Variants in WDR72 observed in about 807,000 individuals in gnomAD.
WDR72 encodes the protein WD repeat domain 72.
WDR72 carries 120 observed loss-of-function variants against 124.2 expected under a neutral mutation model. That is an observed-to-expected ratio of 0.97 (90% CI 0.83 to 1.12). The LOEUF (loss-of-function observed/expected upper bound fraction) is 1.12. Among genes scored for constraint, WDR72 ranks in the 50% most tolerant of loss-of-function variants. The pLI, the probability that WDR72 is intolerant of heterozygous loss-of-function variation, is 0.00. For missense variants in WDR72, 1,387 were observed against 1,278.8 expected, an observed-to-expected ratio of 1.08 and a Z score of -1.29; for synonymous variants, 452 against 441.7, an observed-to-expected ratio of 1.02 and a Z score of -0.29.
At chr15:53,529,772 C>T (rs1307040567) in intron 18 of WDR72, among the ~76,000 whole-genome samples, 1 of 151,944 alleles carries the variant, frequency 6.6e-6, no homozygotes, top group Non-Finnish European at 1.5e-5. Context: ...TCCATGAAGT[C>T]ATTTTGTCTT....
At chr15:53,570,263 T>TTG (rs766217348) in intron 18 of WDR72, among the ~76,000 whole-genome samples, 2 of 7,244 alleles carry the variant, frequency 2.8e-4, no homozygotes, top group African/African-American at 8.0e-4. Flanking sequence ...TCATATACCA[T>TTG]TTTTTTTTTT....
At position 53,616,079 on chromosome 15, in the gene WDR72, AC is replaced by A. The variant is rs1333590504; in HGVS notation, c.2126del (p.Gly709ValfsTer5). 1 of 1,606,958 alleles carries A rather than the reference AC, an allele frequency of 6.2e-7. No homozygotes were observed. The highest frequency in any genetic ancestry group is 1.1e-5 in the South Asian group (1 of 90,424). Reference sequence around the variant, plus strand: ...TCTTGGCTCTTCTCAGGACCTCACCACCATAGAATGAACTGGAAGAGTCAAC... The same window carrying A: ...TCTTGGCTCTTCTCAGGACCTCACCACATAGAATGAACTGGAAGAGTCAAC... ...SDVDSSSSFY[G>X]GEVLRRAKST... is the part of the protein sequence containing the mutation. On this transcript the variant is annotated frameshift_variant, in exon 15 of 20. Coordinates refer to ENST00000360509, the MANE Select transcript of WDR72 (RefSeq NM_182758.4). LOFTEE classifies it high-confidence loss of function.
chr15:53,552,928 GA>G (rs1893795246), intron 18 of WDR72, among the ~76,000 whole-genome samples: 1 of 152,118 alleles, frequency 6.6e-6, no homozygotes, highest in African/African-American at 2.4e-5. Context: ...AGCTCTATAG[GA>G]AGCGGTGGAA....
At chr15:53,556,194 A>G (rs1416146004) in intron 18 of WDR72, among the ~76,000 whole-genome samples, 1 of 152,152 alleles carries the variant, frequency 6.6e-6, no homozygotes, top group African/African-American at 2.4e-5. Context: ...CCATCCTTGG[A>G]GAAAATATTT....
intron 18 of WDR72, among the ~76,000 whole-genome samples, chr15:53,571,501 C>G (rs750279107): frequency 4.6e-5 from 7 of 151,974 alleles, no homozygotes; most frequent in African/African-American, 9.7e-5. Flanking sequence ...CTATTTCACT[C>G]AACATAATGT....
chr15:53,694,642 A>G (rs1027211942), intron 13 of WDR72, among the ~76,000 whole-genome samples: 1 of 152,178 alleles, frequency 6.6e-6, no homozygotes, highest in Non-Finnish European at 1.5e-5. Context: ...CGATAAGTGA[A>G]GAACACACCA....
intron 1 of WDR72, among the ~76,000 whole-genome samples, chr15:53,754,205 T>G (rs2140900218): frequency 6.6e-6 from 1 of 152,268 alleles, no homozygotes. Context: ...TATGTGGAAG[T>G]GTATGCATGG....
chr15:53,703,306 C>T (rs2017241581), intron 11 of WDR72, among the ~76,000 whole-genome samples: 1 of 152,076 alleles, frequency 6.6e-6, no homozygotes, highest in South Asian at 2.1e-4. Flanking sequence ...TAGACATTAC[C>T]TAATTCTACC....
At position 53,597,095 on chromosome 15, in the gene WDR72, GT is replaced by G; in HGVS notation, c.3131del (p.Asn1044ThrfsTer50). The G allele has an allele frequency of 6.2e-7, 1 of 1,613,742 alleles. No individual in the cohort carries two copies. Among genetic ancestry groups the G allele is most frequent in the Non-Finnish European group, 8.5e-7 (1 of 1,179,822 alleles). ...TEELELQCVR[N>X]TLPLQTPVSP... The stretch of plus-strand genomic sequence containing the variant: ...TGTACTTACTTTGCAGAGGCAAAGT[GT>G]TTCTAACACACTGTAACTCTAGTTC... On this transcript the variant is annotated frameshift_variant, in exon 18 of 20. Transcript: ENST00000360509. LOFTEE classifies it high-confidence loss of function.
At chr15:53,617,758 C>A (rs1216452489) in intron 14 of WDR72, among the ~76,000 whole-genome samples, 1 of 151,790 alleles carries the variant, frequency 6.6e-6, no homozygotes, top group Non-Finnish European at 1.5e-5. Flanking sequence ...ATTAATTTCA[C>A]CATTATGTTC....
chr15:53,564,605 T>G (rs1894232657), intron 18 of WDR72, among the ~76,000 whole-genome samples: 1 of 151,910 alleles, frequency 6.6e-6, no homozygotes. Flanking sequence ...TCAGGTTCTG[T>G]GTCTAAATTT....
chr15:53,622,675 T>C (rs1009442100), intron 14 of WDR72, among the ~76,000 whole-genome samples: 3 of 151,962 alleles, frequency 2.0e-5, no homozygotes, highest in Admixed American at 2.0e-4. Context: ...TAATGCATGC[T>C]GGCCTTAATA....
intron 13 of WDR72, among the ~76,000 whole-genome samples, chr15:53,667,777 C>T (rs929837990): frequency 6.6e-6 from 1 of 152,108 alleles, no homozygotes; most frequent in Non-Finnish European, 1.5e-5. Context: ...GAACTTATTG[C>T]ATTTTAATAC....
chr15:53,717,383 C>G (rs988719332), intron 3 of WDR72, among the ~76,000 whole-genome samples: 1 of 152,010 alleles, frequency 6.6e-6, no homozygotes, highest in Non-Finnish European at 1.5e-5. Flanking sequence ...AACACATAAG[C>G]AAAATTTTCC....
intron 17 of WDR72, among the ~76,000 whole-genome samples, chr15:53,608,787 T>TAAATAAATAAATAA (rs2013403059): frequency 5.5e-5 from 4 of 72,870 alleles, no homozygotes; most frequent in African/African-American, 1.5e-4. Context: ...TAAATAAATA[T>TAAATAAATAAATAA]AAAAATAAAA....
At position 53,716,588 on chromosome 15, in the gene WDR72, A is replaced by G. The variant is rs1483446119; in HGVS notation, c.339+19T>C. 19 of 1,527,486 alleles carry G rather than the reference A, an allele frequency of 1.2e-5. No individual in the cohort carries two copies. The highest frequency in any genetic ancestry group is 1.6e-5 in the Non-Finnish European group (18 of 1,100,950). The allele number at this position is 1,527,486 out of a possible 1,614,324, so 94.6% of individuals were successfully genotyped here. A position where few individuals can be genotyped will look rare whatever the true frequency, so the allele number is the denominator to read the frequency against. Reference sequence around the variant, plus strand: ...GTTGCAGAATCTAGAAATGCCCTGAAGGAAGTGAGTGTACTTACACAGATT... The same window carrying G: ...GTTGCAGAATCTAGAAATGCCCTGAGGGAAGTGAGTGTACTTACACAGATT... On this transcript the variant is annotated intron_variant, in intron 4 of 19. Coordinates refer to ENST00000360509, the MANE Select transcript of WDR72 (RefSeq NM_182758.4).
At chr15:53,545,316 T>A (rs1893389874) in intron 18 of WDR72, among the ~76,000 whole-genome samples, 2 of 151,020 alleles carry the variant, frequency 1.3e-5, no homozygotes, top group South Asian at 2.1e-4. Context: ...GAAACAGAGA[T>A]ATAGATCAAT....
intron 1 of WDR72, 58 bp from the exon 2 acceptor site, chr15:53,733,219 C>T (rs2018255196): frequency 1.9e-6 from 3 of 1,577,760 alleles, no homozygotes; most frequent in Non-Finnish European, 2.6e-6. Flanking sequence ...TTTGAGGAAA[C>T]CGATAATATT....
At chr15:53,709,879 A>C (rs565922475) in intron 9 of WDR72, among the ~76,000 whole-genome samples, 1 of 152,370 alleles carries the variant, frequency 6.6e-6, no homozygotes, top group East Asian at 1.9e-4. Context: ...CTAATTAAGC[A>C]AACCATCATT....
Sources: allele counts gnomAD v4.1 joint callset (sites outside exome capture counted in the v4.1 genomes callset), GRCh38; gene constraint gnomAD v4.1.1; transcripts MANE v1.5; gene names NCBI Gene and HGNC (gene_info 2026-07-23, HGNC 2026-07-21).